The following LMLN variants were observed in gnomAD, a reference collection of about 807,000 sequenced individuals.
The protein encoded by LMLN is leishmanolysin-like peptidase.
In LMLN, 70 loss-of-function variants were observed where a neutral mutation model predicts 92.3. The observed-to-expected ratio is 0.76, with a 90% CI of 0.63 to 0.92. LMLN has a LOEUF of 0.92. Ranked by LOEUF, LMLN falls within the 40% of genes least tolerant of loss-of-function variation. The pLI, the probability that LMLN is intolerant of heterozygous loss-of-function variation, is 0.00. For synonymous variants in LMLN, 308 were observed against 296.2 expected (o/e 1.04, Z -0.41); for missense variants, 691 against 814.6 (o/e 0.85, Z 1.85).
exon 16 of LMLN, chr3:198,039,526 G>A (rs1723339236): frequency 6.6e-6 from 1 of 152,280 alleles, no homozygotes. Context: ...TTGAGCCCAG[G>A]AGTTCAAGGC....
At position 198,019,327 on chromosome 3, in the gene LMLN, G is replaced by C; in HGVS notation, c.1307G>C (p.Arg436Thr). 4 of 1,614,178 alleles carry C rather than the reference G, an allele frequency of 2.5e-6. No homozygotes were observed. In the South Asian group the frequency reaches 4.4e-5, roughly 18 times the overall value. The stretch of plus-strand genomic sequence containing the variant: ...CAGCTAACTTGCAGACAGGACCAGA[G>C]AGCAGTTGCCGTGTGTAATTTGCAG... Residue 436 changes from arginine (R) to threonine (T), a missense_variant, in exon 12 of 16, where the codon AGA becomes ACA. Arg to Thr is a moderately conservative substitution (Grantham distance 71, BLOSUM62 -1). Around this residue, in one of 4 missense-constraint regions of LMLN, gnomAD observed 352 missense variants for 443.6 expected, o/e 0.79. Transcript: ENST00000330198. This position sits in a 1 kb window ranked among gnomAD's most constrained non-coding sequence, Gnocchi z 5.5.
chr3:198,020,768 ATTTTTTTTTTTTTTTTTT>A (rs71166715), intron 12 of LMLN, among the ~76,000 whole-genome samples: 1 of 32,860 alleles, frequency 3.0e-5, no homozygotes, highest in South Asian at 1.6e-3. Context: ...TAATTTTTGT[ATTTTTTTTTTTTTTTTTT>A]TTTTTTTTTT....
intron 7 of LMLN, 135 bp from the exon 8 acceptor site, chr3:197,985,661 G>T (rs77224512): frequency 2.0e-6 from 1 of 502,396 alleles, no homozygotes; most frequent in African/African-American, 1.9e-5. Context: ...CAATTCCAGC[G>T]TAGGAGAAGT....
intron 9 of LMLN, 29 bp downstream of exon 9, chr3:197,990,705 G>A (rs781466002): frequency 9.3e-7 from 1 of 1,076,150 alleles, no homozygotes; most frequent in Non-Finnish European, 1.4e-6. Context: ...CATGTCTCAT[G>A]AGCCATCTGT....
intron 11 of LMLN, among the ~76,000 whole-genome samples, chr3:198,003,595 A>G (rs1434793284): frequency 6.7e-6 from 1 of 148,240 alleles, no homozygotes; most frequent in Non-Finnish European, 1.5e-5. Context: ...TATATCATCT[A>G]TACAGATACA....
At chr3:198,034,256 A>G (rs1323808426) in intron 14 of LMLN, among the ~76,000 whole-genome samples, 2 of 152,240 alleles carry the variant, frequency 1.3e-5, no homozygotes, top group Non-Finnish European at 2.9e-5. Context: ...TTTAAAGGGA[A>G]GTAGCATAAT....
chr3:198,000,338 T>C (rs1722136284), intron 11 of LMLN, among the ~76,000 whole-genome samples: 1 of 152,260 alleles, frequency 6.6e-6, no homozygotes, highest in Non-Finnish European at 1.5e-5. Flanking sequence ...TGAAAATTAA[T>C]GGTAGAGGTG....
intron 13 of LMLN, among the ~76,000 whole-genome samples, 197 bp downstream of exon 14, chr3:198,021,802 G>C (rs1722791701): frequency 2.0e-5 from 3 of 152,180 alleles, no homozygotes; most frequent in South Asian, 2.1e-4. Flanking sequence ...GCAATACTTA[G>C]AGAGTTGTGA....
intron 11 of LMLN, among the ~76,000 whole-genome samples, chr3:198,012,044 C>T (rs1165380827): frequency 6.6e-6 from 1 of 152,104 alleles, no homozygotes; most frequent in Non-Finnish European, 1.5e-5. Flanking sequence ...AAACAAACAA[C>T]CCCATCAAAA....
intron 15 of LMLN, among the ~76,000 whole-genome samples, chr3:198,038,110 G>C (rs1041266101): frequency 5.9e-5 from 9 of 151,568 alleles, no homozygotes; most frequent in African/African-American, 2.2e-4. Context: ...ATTATTGATG[G>C]TCCTCTCCCT....
At chr3:198,035,100 G>C (rs1723175432) in intron 14 of LMLN, among the ~76,000 whole-genome samples, 1 of 151,540 alleles carries the variant, frequency 6.6e-6, no homozygotes, top group Non-Finnish European at 1.5e-5. Flanking sequence ...TACTCAGGAG[G>C]CTGAGGTGGG....
intron 10 of LMLN, among the ~76,000 whole-genome samples, chr3:197,998,721 G>C (rs1482341368): frequency 6.6e-6 from 1 of 152,214 alleles, no homozygotes; most frequent in African/African-American, 2.4e-5. Context: ...GATAGGAATT[G>C]TATGGTGTGA....
intron 11 of LMLN, among the ~76,000 whole-genome samples, chr3:198,018,839 A>G (rs1297053046): frequency 2.0e-5 from 3 of 152,358 alleles, no homozygotes; most frequent in Middle Eastern, 3.4e-3. Context: ...GCTAAGAATT[A>G]CAGGTTTGTT....
intron 8 of LMLN, among the ~76,000 whole-genome samples, chr3:197,988,411 T>C (rs1394199841): frequency 6.6e-6 from 1 of 151,776 alleles, no homozygotes; most frequent in Non-Finnish European, 1.5e-5. Context: ...TTTTGATTTA[T>C]GTATTTTGGG....
Position 198,019,482 on chromosome 3 carries a change from T to G in LMLN, c.1365+97T>G. The G allele has an allele frequency of 8.2e-7, 1 of 1,217,126 alleles. No homozygotes were observed. The highest frequency in any genetic ancestry group is 1.8e-5 in the South Asian group (1 of 55,954). 75.4% of individuals were successfully genotyped at this position (1,217,126 alleles called of 1,614,324 possible). A position where few individuals can be genotyped will look rare whatever the true frequency, so the allele number is the denominator to read the frequency against. ...AAATTCTCTTAAGATTCTTAATTTATAAGGCCTTGTTTGTTTTCTGTAAGT... is the reference window on the plus strand; with the variant it reads ...AAATTCTCTTAAGATTCTTAATTTAGAAGGCCTTGTTTGTTTTCTGTAAGT... On this transcript the variant is annotated intron_variant, in intron 12 of 15. Coordinates refer to ENST00000330198, the Ensembl canonical transcript of LMLN. This position sits in a 1 kb window ranked among gnomAD's most constrained non-coding sequence, Gnocchi z 5.5.
chr3:198,023,625 C>T (rs779104935), intron 13 of LMLN, among the ~76,000 whole-genome samples: 2 of 152,178 alleles, frequency 1.3e-5, no homozygotes, highest in East Asian at 1.9e-4. Context: ...GCATAAAACA[C>T]TTATCTTTAT....
exon 16 of LMLN, chr3:198,040,075 G>A (rs6763543): frequency 0.36 from 55,404 of 152,122 alleles, 14,260 homozygotes; most frequent in African/African-American, 0.74. Context: ...TGGTAAAGAC[G>A]GGTATGCAGT....
At chr3:197,997,086 T>C (rs1474706535) in intron 10 of LMLN, among the ~76,000 whole-genome samples, 1 of 147,500 alleles carries the variant, frequency 6.8e-6, no homozygotes, top group Non-Finnish European at 1.5e-5. Flanking sequence ...CCTTTTCTTT[T>C]TCCTTTTCCT....
Position 197,968,465 on chromosome 3 carries a change from A to G in LMLN, c.220-5912A>G, listed in dbSNP as rs942376506. Among the ~76,000 whole-genome samples the G allele has an allele frequency of 2.0e-5, 3 of 152,116 alleles. No individual in the cohort carries two copies. The South Asian group carries it at 6.2e-4, about 32-fold the overall frequency. ...AGCAAGACTCTGTCTCAAAAAAAAA[A>G]AGAAAAGAAATTGTAAGAGTATTAT... On this transcript the variant is annotated intron_variant, in intron 1 of 15. Coordinates refer to ENST00000330198, the Ensembl canonical transcript of LMLN.
Sources: gnomAD v4.1 joint callset for allele counts (sites outside exome capture counted in the v4.1 genomes callset) on GRCh38, gnomAD v4.1.1 for gene constraint, gnomAD v4.1.1 regional missense constraint, Gnocchi (gnomAD v3.1) non-coding constraint, MANE v1.5 for transcripts, NCBI Gene and HGNC (gene_info 2026-07-23, HGNC 2026-07-21) for gene names.